CCAR1: variants seen among roughly 807,000 people sequenced by gnomAD.
CCAR1 encodes cell division cycle and apoptosis regulator 1, also known as cell division cycle and apoptosis regulator protein 1.
Under a neutral mutation model 163.8 loss-of-function variants are expected in CCAR1, and 78 were observed. The observed-to-expected ratio is 0.48, with a 90% CI of 0.40 to 0.57. The LOEUF is 0.57. Ranked by LOEUF, CCAR1 falls within the 20% of genes least tolerant of loss-of-function variation. The pLI is 0.00. For missense variants in CCAR1, 1,019 were observed against 1,365.2 expected, an observed-to-expected ratio of 0.75 and a Z score of 4.00; for synonymous variants, 443 against 460.7, an observed-to-expected ratio of 0.96 and a Z score of 0.49.
At chr10:68,723,262 C>A (rs1184607439) in intron 2 of CCAR1, among the ~76,000 whole-genome samples, 1 of 150,764 alleles carries the variant, frequency 6.6e-6, no homozygotes, top group Admixed American at 6.6e-5. Context: ...GCTGGGACTA[C>A]AGGCACCCGC....
chr10:68,791,182 T>G (rs752375963), intron 24 of CCAR1, 25 bp from the exon 25 acceptor site: 3 of 1,382,444 alleles, frequency 2.2e-6, no homozygotes, highest in Admixed American at 2.0e-5. Flanking sequence ...TAAAATGTAT[T>G]TTTTCCTTCT....
intron 19 of CCAR1, among the ~76,000 whole-genome samples, chr10:68,783,144 A>G (rs992608525): frequency 2.6e-5 from 4 of 151,632 alleles, no homozygotes; most frequent in African/African-American, 9.7e-5. Context: ...CTGGGATTAC[A>G]GGCATGAGCC....
chr10:68,727,842 C>T (rs1221542160), intron 2 of CCAR1, among the ~76,000 whole-genome samples: 3 of 152,094 alleles, frequency 2.0e-5, no homozygotes, highest in Admixed American at 1.3e-4. Context: ...CATGGAGTCT[C>T]GCTCTGTCTG....
At chr10:68,742,077 A>G (rs1192942457) in intron 5 of CCAR1, among the ~76,000 whole-genome samples, 1 of 152,224 alleles carries the variant, frequency 6.6e-6, no homozygotes, top group Admixed American at 6.5e-5. Flanking sequence ...ATGAGAAAAT[A>G]GTTTTGTGGT....
At chr10:68,743,185 T>C (rs764684225) in intron 6 of CCAR1, among the ~76,000 whole-genome samples, 64 of 150,688 alleles carry the variant, frequency 4.2e-4, no homozygotes, top group Non-Finnish European at 8.7e-4. Context: ...CTCTTCTTTC[T>C]TTCTTTTTCT....
Position 68,737,021 on chromosome 10 carries a change from C to A in CCAR1, c.219C>A (p.Ala73=), listed in dbSNP as rs376968846. 6.2e-7 allele frequency: 1 copy of A among 1,613,520 alleles called. No homozygotes were observed. The highest frequency in any genetic ancestry group is 2.2e-5 in the East Asian group (1 of 44,870). ...AAACTGCTGCATTGCAGCAACAAGC[C>A]GCAGCTGCAGCAGCTGCATTACAAC... ...LTQTAALQQQ[A]AAAAAALQQQ... The change falls in exon 3 of 25, where the codon GCC becomes GCA. Residue 73 remains alanine (A), a synonymous_variant. Coordinates refer to ENST00000265872, the MANE Select transcript of CCAR1 (RefSeq NM_018237.4).
intron 12 of CCAR1, 66 bp downstream of exon 12, chr10:68,754,893 T>G (rs1437589195): frequency 1.2e-6 from 1 of 850,414 alleles, no homozygotes; most frequent in Non-Finnish European, 2.0e-6. Context: ...TTTGTACACA[T>G]AAAATCTAAA....
chr10:68,734,975 G>A (rs902780964), intron 2 of CCAR1, among the ~76,000 whole-genome samples: 1 of 151,988 alleles, frequency 6.6e-6, no homozygotes, highest in Admixed American at 6.6e-5. Context: ...CAATTTTTTG[G>A]TCTTAGCAAA....
chr10:68,756,566 A>G lies in CCAR1; in HGVS notation c.1836+83A>G. 1.9e-6 allele frequency: 2 copies of G among 1,060,934 alleles called. No individual in the cohort carries two copies. Among genetic ancestry groups the G allele is most frequent in the Non-Finnish European group, 1.4e-6 (1 of 701,404 alleles). The allele number at this position is 1,060,934 out of a possible 1,614,324, so 65.7% of individuals were successfully genotyped here. ...CACAAATGCACACCACACACTACATAATAAACACACATGGAGGAACATAAC... is the reference window on the plus strand; with the variant it reads ...CACAAATGCACACCACACACTACATGATAAACACACATGGAGGAACATAAC... On this transcript the variant is annotated intron_variant, in intron 14 of 24. Coordinates refer to ENST00000265872, the MANE Select transcript of CCAR1 (RefSeq NM_018237.4). This position sits in a 1 kb window ranked among gnomAD's most constrained non-coding sequence, Gnocchi z 5.1.
chr10:68,724,825 A>G lies in CCAR1; in HGVS notation c.73+2248A>G, dbSNP rs189062592. Reference sequence around the variant, plus strand: ...AAAACCAACTCTAAAGAATTTAGTTACTAGACAAAGGAAAAAGATAGTTGT... The same window carrying G: ...AAAACCAACTCTAAAGAATTTAGTTGCTAGACAAAGGAAAAAGATAGTTGT... On this transcript the variant is annotated intron_variant, in intron 2 of 24. Transcript: ENST00000265872. Among the ~76,000 whole-genome samples the G allele has an allele frequency of 8.5e-4, 129 of 152,272 alleles. 1 individual carries two copies. Among genetic ancestry groups the G allele is most frequent in the African/African-American group, 3.0e-3 (125 of 41,566 alleles).
chr10:68,758,426 A>G (rs2056422284), intron 15 of CCAR1, among the ~76,000 whole-genome samples: 1 of 149,832 alleles, frequency 6.7e-6, no homozygotes, highest in African/African-American at 2.5e-5. Context: ...GCGGTGGCTC[A>G]CTCCTGTAGT....
intron 18 of CCAR1, 120 bp downstream of exon 18, chr10:68,771,565 G>A: frequency 3.2e-6 from 3 of 940,438 alleles, no homozygotes; most frequent in Non-Finnish European, 3.2e-6. Flanking sequence ...TACTATATTA[G>A]AAAATCAAGT....
intron 17 of CCAR1, 99 bp from the exon 18 acceptor site, chr10:68,771,107 A>G (rs2056597161): frequency 9.6e-7 from 1 of 1,043,630 alleles, no homozygotes; most frequent in African/African-American, 1.6e-5. Context: ...AAGTTTACAT[A>G]ATCGTTGTAT....
chr10:68,731,422 G>T (rs1404927236), intron 2 of CCAR1, among the ~76,000 whole-genome samples: 1 of 151,992 alleles, frequency 6.6e-6, no homozygotes, highest in African/African-American at 2.4e-5. Context: ...ATTTAGAAAA[G>T]AACTGTTATA....
At chr10:68,729,590 T>C (rs1564527837) in intron 2 of CCAR1, among the ~76,000 whole-genome samples, 1 of 151,686 alleles carries the variant, frequency 6.6e-6, no homozygotes, top group Non-Finnish European at 1.5e-5. Flanking sequence ...ACTCTTGTAA[T>C]CCTAGCGCTT....
chr10:68,788,109 A>G, intron 22 of CCAR1, 34 bp from the exon 23 acceptor site: 1 of 1,522,414 alleles, frequency 6.6e-7, no homozygotes, highest in Non-Finnish European at 8.8e-7. Flanking sequence ...GAAGAAAAAT[A>G]ACTTACTAAA....
At chr10:68,755,336 T>C (rs778937084) in intron 12 of CCAR1, 34 bp from the exon 13 acceptor site, 1 of 1,581,502 alleles carries the variant, frequency 6.3e-7, no homozygotes, top group Non-Finnish European at 8.7e-7. Flanking sequence ...ACAGGGTGCG[T>C]AATATATGTA....
At chr10:68,727,668 C>T (rs978990855) in intron 2 of CCAR1, among the ~76,000 whole-genome samples, 1 of 152,024 alleles carries the variant, frequency 6.6e-6, no homozygotes, top group African/African-American at 2.4e-5. Context: ...TGCTTTGATA[C>T]GTCTTCAGTG....
At chr10:68,739,469 G>C (rs988918990) in intron 4 of CCAR1, among the ~76,000 whole-genome samples, 2 of 152,068 alleles carry the variant, frequency 1.3e-5, no homozygotes, top group Non-Finnish European at 2.9e-5. Context: ...TTTTATGGCT[G>C]CAGAGGCTTC....
Sources: allele counts gnomAD v4.1 joint callset (sites outside exome capture counted in the v4.1 genomes callset), GRCh38; gene constraint gnomAD v4.1.1; non-coding constraint Gnocchi (gnomAD v3.1); transcripts MANE v1.5; gene names NCBI Gene and HGNC (gene_info 2026-07-23, HGNC 2026-07-21).